MAML2: variants seen among roughly 807,000 people sequenced by gnomAD.
MAML2 encodes mastermind-like protein 2.
MAML2 carries 22 observed loss-of-function variants against 96.1 expected under a neutral mutation model. The observed-to-expected ratio is 0.23, with a 90% confidence interval of 0.16 to 0.33. The LOEUF is 0.33. MAML2 is among the 10% of genes least tolerant of loss of function. The pLI, the probability that MAML2 is intolerant of heterozygous loss-of-function variation, is 1.00. For missense variants in MAML2, 1,367 were observed against 1,392.4 expected, an observed-to-expected ratio of 0.98 and a Z score of 0.29; for synonymous variants, 561 against 521.3, an observed-to-expected ratio of 1.08 and a Z score of -1.04.
intron 2 of MAML2, among the ~76,000 whole-genome samples, chr11:96,032,861 A>G (rs1010132700): frequency 2.0e-5 from 3 of 152,222 alleles, no homozygotes; most frequent in South Asian, 4.1e-4. Context: ...ATACACCAGC[A>G]GTTGCCAGGA....
At position 96,341,417 on chromosome 11, in the gene MAML2, G is replaced by T; in HGVS notation, c.479C>A (p.Thr160Asn). 1 of 1,544,696 alleles carries T rather than the reference G, an allele frequency of 6.5e-7. No homozygotes were observed. Residue 160 changes from threonine to asparagine, a missense_variant, in exon 1 of 5, where the codon ACC becomes AAC. Coordinates refer to ENST00000524717, the MANE Select transcript of MAML2 (RefSeq NM_032427.4). ...GGCTGAGTTCCTCTGGTCCCCTGGG[G>T]TTGAAGCGGGCGGCTGCTGCTCTCC... ...INGEQQPPAS[T>N]PGDQRNSALI...
chr11:96,009,694 T>C (rs1858238512), intron 2 of MAML2, among the ~76,000 whole-genome samples: 2 of 152,180 alleles, frequency 1.3e-5, no homozygotes, highest in Non-Finnish European at 2.9e-5. Context: ...AAAAGCACAG[T>C]TATTTACCTG....
At chr11:95,988,362 G>A (rs558546042) in intron 3 of MAML2, among the ~76,000 whole-genome samples, 133 of 151,454 alleles carry the variant, frequency 8.8e-4, no homozygotes, top group Non-Finnish European at 1.4e-3. Context: ...AGGTTCAAGC[G>A]ATTCTTCTGC....
intron 2 of MAML2, among the ~76,000 whole-genome samples, chr11:96,086,913 G>C (rs963768251): frequency 1.2e-4 from 18 of 152,142 alleles, no homozygotes; most frequent in African/African-American, 4.3e-4. Flanking sequence ...TGGTGATTTT[G>C]CCTGGGACTG....
At chr11:96,085,631 C>T (rs1859597492) in intron 2 of MAML2, among the ~76,000 whole-genome samples, 1 of 152,220 alleles carries the variant, frequency 6.6e-6, no homozygotes, top group South Asian at 2.1e-4. Flanking sequence ...ACCCTACACC[C>T]CTTCTTTCCC....
intron 1 of MAML2, among the ~76,000 whole-genome samples, chr11:96,307,808 C>T (rs1863485602): frequency 6.6e-6 from 1 of 152,114 alleles, no homozygotes; most frequent in Non-Finnish European, 1.5e-5. Context: ...CCACAAATCC[C>T]CTAAAATGAT....
chr11:96,217,795 A>G (rs1040789573), intron 1 of MAML2, among the ~76,000 whole-genome samples: 1 of 152,232 alleles, frequency 6.6e-6, no homozygotes, highest in African/African-American at 2.4e-5. Context: ...ATTTAGCATC[A>G]TCGTCTTGAC....
chr11:96,148,659 T>TACACACACAC (rs58470055), intron 1 of MAML2, among the ~76,000 whole-genome samples: 2,195 of 131,914 alleles, frequency 0.017, 48 homozygotes, highest in African/African-American at 0.029. Context: ...TTCTGAAAAA[T>TACACACACAC]ACACACACAC....
intron 4 of MAML2, among the ~76,000 whole-genome samples, chr11:95,981,683 G>A (rs1402434451): frequency 1.3e-5 from 2 of 152,108 alleles, no homozygotes; most frequent in East Asian, 3.8e-4. Flanking sequence ...ATTGTGTAGT[G>A]GGCAGTGTTT....
At chr11:96,224,967 C>A (rs1862191558) in intron 1 of MAML2, among the ~76,000 whole-genome samples, 2 of 152,102 alleles carry the variant, frequency 1.3e-5, no homozygotes, top group African/African-American at 4.8e-5. Flanking sequence ...TCTAAAAGCA[C>A]TTCTTATTGA....
intron 1 of MAML2, among the ~76,000 whole-genome samples, chr11:96,287,718 T>TCAGA (rs1201163399): frequency 6.6e-6 from 1 of 152,232 alleles, no homozygotes; most frequent in Non-Finnish European, 1.5e-5. Flanking sequence ...CATTAAATAC[T>TCAGA]CAGACACCTT....
intron 2 of MAML2, among the ~76,000 whole-genome samples, chr11:96,072,471 T>C (rs1859362615): frequency 6.6e-6 from 1 of 152,146 alleles, no homozygotes; most frequent in Admixed American, 6.5e-5. Context: ...CTTACATATA[T>C]AAAAAGGGAA....
intron 1 of MAML2, among the ~76,000 whole-genome samples, chr11:96,326,361 G>A (rs144585630): frequency 8.1e-6 from 1 of 123,338 alleles, no homozygotes; most frequent in Non-Finnish European, 1.7e-5. Flanking sequence ...ACTAAAGCGT[G>A]TGTGTGTGTG....
At chr11:96,011,307 A>G (rs1434472777) in intron 2 of MAML2, among the ~76,000 whole-genome samples, 1 of 152,234 alleles carries the variant, frequency 6.6e-6, no homozygotes, top group East Asian at 1.9e-4. Context: ...AAGCAAAGAC[A>G]TGGAACCAAC....
chr11:96,253,395 A>T (rs1374555521), intron 1 of MAML2, among the ~76,000 whole-genome samples: 3 of 152,194 alleles, frequency 2.0e-5, no homozygotes, highest in Non-Finnish European at 2.9e-5. Context: ...TTCCTTACTC[A>T]ACACAAGACG....
At chr11:96,086,005 G>C (rs1164923569) in intron 2 of MAML2, among the ~76,000 whole-genome samples, 7 of 152,200 alleles carry the variant, frequency 4.6e-5, no homozygotes, top group Non-Finnish European at 1.0e-4. Context: ...AATGAAATTT[G>C]TTGACTTAGG....
chr11:96,215,611 G>A (rs186019383), intron 1 of MAML2, among the ~76,000 whole-genome samples: 6 of 152,028 alleles, frequency 3.9e-5, no homozygotes, highest in Non-Finnish European at 8.8e-5. Flanking sequence ...GAGACAGACC[G>A]ACCTCATGAG....
In MAML2 at chr11:96,312,183, G is replaced by C. The variant is rs532432042; in HGVS notation, c.513+29200C>G. ...GTAGTGAGCTGAGATTGTGCCACCT[G>C]CACTCCAGCCTGGGCGACAGAGCAA... On this transcript the variant is annotated intron_variant, in intron 1 of 4. Coordinates refer to ENST00000524717, the MANE Select transcript of MAML2 (RefSeq NM_032427.4). 7.9e-5 allele frequency among the ~76,000 whole-genome samples: 10 copies of C among 126,776 alleles called. No individual in the cohort carries two copies. The South Asian group carries it at 1.8e-3, about 23-fold the overall frequency. The allele number at this position is 126,776 out of a possible 152,430, so 83.2% of individuals were successfully genotyped here.
intron 1 of MAML2, among the ~76,000 whole-genome samples, chr11:96,202,554 T>C (rs976045337): frequency 6.6e-6 from 1 of 152,012 alleles, no homozygotes; most frequent in Non-Finnish European, 1.5e-5. Context: ...AAGCTTGCTT[T>C]GGGTAAAGAT....
Sources: gnomAD v4.1 joint callset for allele counts (sites outside exome capture counted in the v4.1 genomes callset) on GRCh38, gnomAD v4.1.1 for gene constraint, MANE v1.5 for transcripts, NCBI Gene and HGNC (gene_info 2026-07-23, HGNC 2026-07-21) for gene names.